The following CLIP3 variants were observed in gnomAD, a reference collection of about 807,000 sequenced individuals.
CLIP3 encodes CAP-Gly domain containing linker protein 3, also known as CAP-Gly domain-containing linker protein 3.
In CLIP3, 15 loss-of-function variants were observed where a neutral mutation model predicts 59.4. The observed-to-expected ratio is 0.25, with a 90% confidence interval of 0.17 to 0.39. The LOEUF (loss-of-function observed/expected upper bound fraction) is 0.39, where lower values mean the gene tolerates loss of function less well. Among genes scored for constraint, CLIP3 ranks in the 10% least tolerant of loss-of-function variants. The pLI is 1.00. For missense variants in CLIP3, 495 were observed against 765.7 expected, an observed-to-expected ratio of 0.65 and a Z score of 4.17; for synonymous variants, 300 against 321.6, an observed-to-expected ratio of 0.93 and a Z score of 0.72.
At chr19:36,025,294 G>C (rs1168549571) in intron 6 of CLIP3, among the ~76,000 whole-genome samples, 4 of 152,054 alleles carry the variant, frequency 2.6e-5, no homozygotes, top group Non-Finnish European at 5.9e-5. Flanking sequence ...TGAACATTGA[G>C]AATGGGCTCC....
At chr19:36,022,499 C>T (rs1968979031) in intron 7 of CLIP3, among the ~76,000 whole-genome samples, 1 of 152,184 alleles carries the variant, frequency 6.6e-6, no homozygotes, top group Admixed American at 6.6e-5. Context: ...GATTAGTATT[C>T]CGTGTCTTCA....
chr19:36,028,020 A>C (rs1011696481), intron 2 of CLIP3, among the ~76,000 whole-genome samples: 3 of 152,118 alleles, frequency 2.0e-5, no homozygotes, highest in Admixed American at 2.0e-4. Flanking sequence ...ACAGAGCAAG[A>C]CCCTGACTCT....
chr19:36,027,117 C>T lies in CLIP3; in HGVS notation c.306+15G>A, dbSNP rs1400176746. 1 of 1,594,942 alleles carries T rather than the reference C, an allele frequency of 6.3e-7. No homozygotes were observed. Among genetic ancestry groups the T allele is most frequent in the Admixed American group, 1.8e-5 (1 of 55,560 alleles). On this transcript the variant is annotated intron_variant, in intron 3 of 13. Coordinates refer to ENST00000360535, the MANE Select transcript of CLIP3 (RefSeq NM_015526.3). ...ACCGCATCCCCTCTCCCCCTGGTTT[C>T]CCCAGTGTTCTCACCTCATTGCCGA...
intron 6 of CLIP3, among the ~76,000 whole-genome samples, chr19:36,024,938 T>C (rs759342156): frequency 2.2e-4 from 33 of 151,880 alleles, no homozygotes; most frequent in East Asian, 5.8e-4. Context: ...TGGTGGCGTG[T>C]GCCTGTAATC....
chr19:36,015,928 C>A lies in CLIP3; in HGVS notation c.*230G>T, dbSNP rs918356113. On this transcript the variant is annotated 3_prime_UTR_variant, in exon 14 of 14. Coordinates refer to ENST00000360535, the MANE Select transcript of CLIP3 (RefSeq NM_015526.3). ...CTGAGGGGTTGGGGATAGGGACTAGCCTGAAGGTGCTACTCAGGGAATCTC... is the reference window on the plus strand; with the variant it reads ...CTGAGGGGTTGGGGATAGGGACTAGACTGAAGGTGCTACTCAGGGAATCTC... 8 of 591,584 alleles carry A rather than the reference C, an allele frequency of 1.4e-5. No homozygotes were observed. The highest frequency in any genetic ancestry group is 1.1e-4 in the East Asian group (4 of 35,294). The allele number at this position is 591,584 out of a possible 1,614,324, so 36.6% of individuals were successfully genotyped here.
chr19:36,028,275 C>CTGCA (rs1969166878), intron 2 of CLIP3, among the ~76,000 whole-genome samples: 1 of 152,084 alleles, frequency 6.6e-6, no homozygotes, highest in Non-Finnish European at 1.5e-5. Context: ...GAGGCAAAGG[C>CTGCA]TGCAGTGAGC....
Position 36,030,370 on chromosome 19 carries a change from A to G in CLIP3, c.166+1822T>C, listed in dbSNP as rs971062118. On this transcript the variant is annotated intron_variant, in intron 2 of 13. Transcript: ENST00000360535. ...GCCTAGCCAACTTTCTTATTTTTCT[A>G]TTAGACTGAAGTCAACTTGTAGTCT... Among the ~76,000 whole-genome samples, 10 of 152,126 alleles carry G rather than the reference A, an allele frequency of 6.6e-5. No homozygotes were observed. The South Asian group carries it at 1.0e-3, about 16-fold the overall frequency.
At chr19:36,030,321 A>G (rs1969222894) in intron 2 of CLIP3, among the ~76,000 whole-genome samples, 1 of 152,122 alleles carries the variant, frequency 6.6e-6, no homozygotes, top group South Asian at 2.1e-4. Context: ...CTAGAGTGCT[A>G]GGATTATAAG....
intron 2 of CLIP3, 44 bp from the exon 3 acceptor site, chr19:36,027,315 C>T: frequency 6.5e-7 from 1 of 1,549,626 alleles, no homozygotes; most frequent in Non-Finnish European, 8.7e-7. Context: ...CAACTGACCC[C>T]CTCCTTCCAG....
At position 36,030,020 on chromosome 19, in the gene CLIP3, G is replaced by C. The variant is rs140778122; in HGVS notation, c.166+2172C>G. Among the ~76,000 whole-genome samples, 25 of 152,114 alleles carry C rather than the reference G, an allele frequency of 1.6e-4. No individual in the cohort carries two copies. In the East Asian group the frequency reaches 4.8e-3, roughly 29 times the overall value. On this transcript the variant is annotated intron_variant, in intron 2 of 13. Transcript: ENST00000360535. ...AGATTTTCCAGTTTTCTGAGGTACAGCACCCCCCCGACCTCAGGCCCCAGA... is the reference window on the plus strand; with the variant it reads ...AGATTTTCCAGTTTTCTGAGGTACACCACCCCCCCGACCTCAGGCCCCAGA...
At chr19:36,017,036 T>G in intron 12 of CLIP3, 57 bp from the exon 13 acceptor site, 1 of 1,567,264 alleles carries the variant, frequency 6.4e-7, no homozygotes, top group Non-Finnish European at 8.7e-7. Flanking sequence ...GTGTCCTCAA[T>G]ACCCATCCAG....
intron 7 of CLIP3, among the ~76,000 whole-genome samples, chr19:36,019,598 A>ATTTATTTTTTTTTTT (rs1568540451): frequency 3.0e-5 from 3 of 99,406 alleles, no homozygotes; most frequent in African/African-American, 4.6e-5. Flanking sequence ...TTATTTATTT[A>ATTTATTTTTTTTTTT]TTTTATTTAT....
In CLIP3 at chr19:36,032,135, AC is replaced by A. The variant is rs1221829138; in HGVS notation, c.166+56del. On this transcript the variant is annotated intron_variant, in intron 2 of 13. Transcript: ENST00000360535. This position sits in a 1 kb window ranked among gnomAD's most constrained non-coding sequence, Gnocchi z 4.3. ...CATCACCACCAGCAGAGCACAGCCCACCCTCCCCGGCCACCCAACGCTCCAG... is the reference window on the plus strand; with the variant it reads ...CATCACCACCAGCAGAGCACAGCCCACCTCCCCGGCCACCCAACGCTCCAG... 6 of 1,003,434 alleles carry A rather than the reference AC, an allele frequency of 6.0e-6. No individual in the cohort carries two copies. The Admixed American group carries it at 2.6e-4, about 43-fold the overall frequency. The allele number at this position is 1,003,434 out of a possible 1,614,324, so 62.2% of individuals were successfully genotyped here. A position where few individuals can be genotyped will look rare whatever the true frequency, so the allele number is the denominator to read the frequency against.
Position 36,016,329 on chromosome 19 carries a change from C to A in CLIP3, c.1590-117G>T, listed in dbSNP as rs1328207596. 2 of 1,129,612 alleles carry A rather than the reference C, an allele frequency of 1.8e-6. No individual in the cohort carries two copies. Among genetic ancestry groups the A allele is most frequent in the East Asian group, 5.0e-5 (2 of 39,732 alleles). The allele number at this position is 1,129,612 out of a possible 1,614,324, so 70.0% of individuals were successfully genotyped here. A position where few individuals can be genotyped will look rare whatever the true frequency, so the allele number is the denominator to read the frequency against. ...CAGGCCTTTCTGGATTCTGCCTCTA[C>A]CTCTCTGGCTGTGGTTTGTTTGTTT... On this transcript the variant is annotated intron_variant, in intron 13 of 13. Transcript: ENST00000360535. This position sits in a 1 kb window ranked among gnomAD's most constrained non-coding sequence, Gnocchi z 4.1.
rs754498816 is a variant in CLIP3 at position 36,016,921 on chromosome 19, C to T, written c.1575G>A (p.Glu525=). Reference sequence around the variant, plus strand: ...TGGCCACACACCTGGAAATGGAGTTCTCTGATGCAATGTCCTTTGGGGTCC... The same window carrying T: ...TGGCCACACACCTGGAAATGGAGTTTTCTGATGCAATGTCCTTTGGGGTCC... ...TVRTPKDIAS[E]NSISRLLFCC... is the part of the protein sequence containing the mutation. The change falls in exon 13 of 14, where the codon GAG becomes GAA. Residue 525 remains glutamate, a synonymous_variant. Coordinates refer to ENST00000360535, the MANE Select transcript of CLIP3 (RefSeq NM_015526.3). This position sits in a 1 kb window ranked among gnomAD's most constrained non-coding sequence, Gnocchi z 4.1. The T allele has an allele frequency of 6.2e-7, 1 of 1,613,986 alleles. No homozygotes were observed. The highest frequency in any genetic ancestry group is 1.1e-5 in the South Asian group (1 of 91,030).
chr19:36,017,593 A>G (rs1309177637), intron 11 of CLIP3, 62 bp downstream of exon 11: 6 of 1,609,170 alleles, frequency 3.7e-6, no homozygotes, highest in Non-Finnish European at 5.1e-6. Context: ...GGAGGAGGCC[A>G]TCTGAGGGGG....
chr19:36,024,677 T>C (rs1468710866), intron 6 of CLIP3, 45 bp from the exon 7 acceptor site: 2 of 1,578,248 alleles, frequency 1.3e-6, no homozygotes, highest in Non-Finnish European at 8.7e-7. Flanking sequence ...GTGGCACAGG[T>C]CACACCCCCA....
rs1177422630 is a variant in CLIP3, at chr19:36,026,390, C to T, written c.563-125G>A. 2 of 1,106,704 alleles carry T rather than the reference C, an allele frequency of 1.8e-6. No homozygotes were observed. Among genetic ancestry groups the T allele is most frequent in the Non-Finnish European group, 2.6e-6 (2 of 765,864 alleles). 68.6% of individuals were successfully genotyped at this position (1,106,704 alleles called of 1,614,324 possible). ...CTCCGACGCAGAGCCCCGCCCCCAC[C>T]TCGGAGCCCCCCTCTCCCTTGGCAG... On this transcript the variant is annotated intron_variant, in intron 5 of 13. Coordinates refer to ENST00000360535, the MANE Select transcript of CLIP3 (RefSeq NM_015526.3). The surrounding 1 kb of genome is among the most constrained non-coding windows in gnomAD (Gnocchi z 6.3).
At chr19:36,024,833 G>T (rs539126744) in intron 6 of CLIP3, among the ~76,000 whole-genome samples, 4 of 152,186 alleles carry the variant, frequency 2.6e-5, no homozygotes, top group Non-Finnish European at 4.4e-5. Context: ...TTGTGAGGCC[G>T]AGGCAGGCAG....
Sources: gnomAD v4.1 joint callset for allele counts (sites outside exome capture counted in the v4.1 genomes callset) on GRCh38, gnomAD v4.1.1 for gene constraint, Gnocchi (gnomAD v3.1) non-coding constraint, MANE v1.5 for transcripts, NCBI Gene and HGNC (gene_info 2026-07-23, HGNC 2026-07-21) for gene names.